Variants in PDE3A observed in about 807,000 individuals in gnomAD.
PDE3A encodes the protein cGMP-inhibited 3',5'-cyclic phosphodiesterase 3A.
In PDE3A, 43 loss-of-function variants were observed where a neutral mutation model predicts 98.3. The ratio of observed to expected loss-of-function variants is 0.44; its 90% CI spans 0.34 to 0.56. The LOEUF (loss-of-function observed/expected upper bound fraction) is 0.56, where lower values mean the gene tolerates loss of function less well. PDE3A is among the 20% of genes least tolerant of loss of function. The pLI is 0.01. For missense variants in PDE3A, 1,427 were observed against 1,440.7 expected (o/e 0.99, Z 0.15); for synonymous variants, 663 against 567.9 (o/e 1.17, Z -2.38).
intron 5 of PDE3A, among the ~76,000 whole-genome samples, chr12:20,621,779 C>T (rs558710486): frequency 6.6e-6 from 1 of 151,890 alleles, no homozygotes; most frequent in Non-Finnish European, 1.5e-5. Flanking sequence ...TATATGAATT[C>T]AAGAAAGTGT....
At chr12:20,410,185 T>C (rs959158760) in intron 1 of PDE3A, among the ~76,000 whole-genome samples, 13 of 152,286 alleles carry the variant, frequency 8.5e-5, no homozygotes, top group African/African-American at 3.1e-4. Context: ...TTAAATCTTA[T>C]TGTGGTATTG....
At chr12:20,641,960 G>A (rs1176491013) in intron 10 of PDE3A, among the ~76,000 whole-genome samples, 2 of 151,956 alleles carry the variant, frequency 1.3e-5, no homozygotes, top group Non-Finnish European at 2.9e-5. Flanking sequence ...TTTCATATGT[G>A]CTGAGATTGT....
chr12:20,662,084 C>G (rs1945184554), intron 15 of PDE3A, among the ~76,000 whole-genome samples: 1 of 151,428 alleles, frequency 6.6e-6, no homozygotes, highest in African/African-American at 2.4e-5. Context: ...TTGCCTTCCA[C>G]CATGCTTGTC....
chr12:20,444,279 A>G (rs1017308860), intron 1 of PDE3A, among the ~76,000 whole-genome samples: 17 of 152,080 alleles, frequency 1.1e-4, no homozygotes, highest in Admixed American at 9.8e-4. Context: ...TCCATCACGA[A>G]TATCAGTTTT....
At chr12:20,650,649 C>T (rs2121517911) in intron 14 of PDE3A, 49 bp downstream of exon 14, 4 of 1,209,882 alleles carry the variant, frequency 3.3e-6, no homozygotes, top group Non-Finnish European at 4.7e-6. Flanking sequence ...ACAGGTTGCT[C>T]ATGAATTGCT....
At chr12:20,528,209 A>C (rs1946562756) in intron 1 of PDE3A, among the ~76,000 whole-genome samples, 1 of 152,208 alleles carries the variant, frequency 6.6e-6, no homozygotes, top group African/African-American at 2.4e-5. Flanking sequence ...GGAGGTTGTC[A>C]CACTGATTTG....
chr12:20,377,126 G>T (rs1159141936), intron 1 of PDE3A, among the ~76,000 whole-genome samples: 1 of 151,748 alleles, frequency 6.6e-6, no homozygotes, highest in Non-Finnish European at 1.5e-5. Context: ...GTGTGTGCAT[G>T]TGTGATTTTC....
chr12:20,594,324 G>A (rs1369174287), intron 2 of PDE3A, among the ~76,000 whole-genome samples: 2 of 152,078 alleles, frequency 1.3e-5, no homozygotes, highest in Non-Finnish European at 2.9e-5. Flanking sequence ...AAGTACAGTG[G>A]TAGGAGACTG....
In PDE3A at chr12:20,369,187, G is replaced by T; in HGVS notation, c.-98G>T. 1.4e-6 allele frequency: 1 copy of T among 733,630 alleles called. No individual in the cohort carries two copies. Among genetic ancestry groups the T allele is most frequent in the South Asian group, 2.0e-5 (1 of 49,072 alleles). 45.4% of individuals were successfully genotyped at this position (733,630 alleles called of 1,614,324 possible). On this transcript the variant is annotated 5_prime_UTR_variant, in exon 1 of 16. Transcript: ENST00000359062. ...GAGGGTGGAATTGGGAAGAGCGTGC[G>T]TGCGTGTGTGTGTGTGTGTGTGTGC...
At chr12:20,623,188 G>A (rs1944177566) in intron 5 of PDE3A, among the ~76,000 whole-genome samples, 2 of 152,102 alleles carry the variant, frequency 1.3e-5, no homozygotes, top group Non-Finnish European at 1.5e-5. Flanking sequence ...AAGCAACACA[G>A]ATGAAGAATT....
rs1384730676 is a variant in PDE3A at position 20,671,651 on chromosome 12, C to G, written c.3185-8379C>G. 3.3e-3 allele frequency among the ~76,000 whole-genome samples: 496 copies of G among 149,914 alleles called. 1 individual carries two copies. The highest frequency in any genetic ancestry group is 0.011 in the African/African-American group (445 of 40,704). On this transcript the variant is annotated intron_variant, in intron 15 of 15. Transcript: ENST00000359062. ...AAAGCCTTTGACAAAATTCAACAAC[C>G]CTTCATGCTAAAAACTCTCAATAAA... is the stretch of plus-strand genomic sequence containing the variant.
chr12:20,448,492 G>C (rs1325279745), intron 1 of PDE3A, among the ~76,000 whole-genome samples: 1 of 152,174 alleles, frequency 6.6e-6, no homozygotes, highest in Non-Finnish European at 1.5e-5. Flanking sequence ...CAAAAATTCT[G>C]TGGTAGGTAT....
intron 1 of PDE3A, among the ~76,000 whole-genome samples, chr12:20,525,665 A>T (rs1034386873): frequency 2.0e-5 from 3 of 152,178 alleles, no homozygotes; most frequent in African/African-American, 7.2e-5. Context: ...TCTGCTGTGT[A>T]ACGTTGCTGC....
At position 20,386,037 on chromosome 12, in the gene PDE3A, A is replaced by G. The variant is rs1388416421; in HGVS notation, c.960+15793A>G. Among the ~76,000 whole-genome samples the G allele has an allele frequency of 9.2e-4, 83 of 90,518 alleles. 6 individuals carry two copies. The East Asian group carries it at 0.016, about 18-fold the overall frequency. The allele number at this position is 90,518 out of a possible 152,430, so 59.4% of individuals were successfully genotyped here. A position where few individuals can be genotyped will look rare whatever the true frequency, so the allele number is the denominator to read the frequency against. On this transcript the variant is annotated intron_variant, in intron 1 of 15. Coordinates refer to ENST00000359062, the MANE Select transcript of PDE3A (RefSeq NM_000921.5). ...ATATAAAATATATATATAAATATAT[A>G]TAAAATATATATAAATATATATAAA...
intron 1 of PDE3A, among the ~76,000 whole-genome samples, chr12:20,415,453 T>C (rs918102602): frequency 1.3e-5 from 2 of 151,898 alleles, no homozygotes; most frequent in Non-Finnish European, 2.9e-5. Context: ...GGAGTCTCAC[T>C]CAGCTTCCCA....
chr12:20,625,155 GA>G (rs1944231943), intron 5 of PDE3A, among the ~76,000 whole-genome samples: 1 of 152,110 alleles, frequency 6.6e-6, no homozygotes, highest in Admixed American at 6.6e-5. Context: ...TTAAATAGCT[GA>G]AACACAAATT....
intron 1 of PDE3A, among the ~76,000 whole-genome samples, chr12:20,453,346 T>G (rs1039026296): frequency 6.6e-6 from 1 of 151,654 alleles, no homozygotes; most frequent in Non-Finnish European, 1.5e-5. Flanking sequence ...GCTAATTTTT[T>G]TGTGTGTGTT....
intron 2 of PDE3A, among the ~76,000 whole-genome samples, chr12:20,589,506 A>G (rs1943274253): frequency 6.6e-6 from 1 of 152,186 alleles, no homozygotes; most frequent in Non-Finnish European, 1.5e-5. Context: ...AGGTCTGTGC[A>G]TTATGCTGAG....
Position 20,633,793 on chromosome 12 carries a change from T to C in PDE3A, c.1846+15T>C. The C allele has an allele frequency of 6.8e-7, 1 of 1,462,710 alleles. No individual in the cohort carries two copies. Among genetic ancestry groups the C allele is most frequent in the Non-Finnish European group, 9.5e-7 (1 of 1,055,208 alleles). 90.6% of individuals were successfully genotyped at this position (1,462,710 alleles called of 1,614,324 possible). On this transcript the variant is annotated intron_variant, in intron 7 of 15. Transcript: ENST00000359062. ...AAGTAGAACAGGTAATTCATTGTTT[T>C]GGATTCTGTTGCCCAAAATGGAAAT... is the stretch of plus-strand genomic sequence containing the variant.
Sources: allele counts gnomAD v4.1 joint callset (sites outside exome capture counted in the v4.1 genomes callset), GRCh38; gene constraint gnomAD v4.1.1; transcripts MANE v1.5; gene names NCBI Gene and HGNC (gene_info 2026-07-23, HGNC 2026-07-21).